The following DAAM2 variants were observed in gnomAD, a reference collection of about 807,000 sequenced individuals.
DAAM2 encodes the protein disheveled-associated activator of morphogenesis 2.
DAAM2 carries 39 observed loss-of-function variants against 120.7 expected under a neutral mutation model. The observed-to-expected ratio is 0.32, with a 90% CI of 0.25 to 0.42. DAAM2 has a LOEUF of 0.42. Ranked by LOEUF, DAAM2 falls within the 10% of genes least tolerant of loss-of-function variation. DAAM2 has a pLI of 1.00. For missense variants in DAAM2, 1,283 were observed against 1,401.7 expected (o/e 0.92, Z 1.35); for synonymous variants, 488 against 524.9 (o/e 0.93, Z 0.96).
chr6:39,886,342 C>T (rs1765380132), intron 15 of DAAM2: 1 of 398,466 alleles, frequency 2.5e-6, no homozygotes, highest in South Asian at 1.3e-4. Context: ...CTGTGTCTGT[C>T]ATGCTATTTC....
rs1222286890 is a variant in DAAM2 at position 39,802,488 on chromosome 6, A to G, written c.-57+10023A>G. On this transcript the variant is annotated intron_variant, in intron 1 of 24. Coordinates refer to ENST00000274867, the MANE Select transcript of DAAM2 (RefSeq NM_001201427.2). ...AAGTCCTTGAAATCATGTCTGGCAC[A>G]TAGTAAGCACTAAGAAATGTTAGTG... 2.6e-5 allele frequency among the ~76,000 whole-genome samples: 4 copies of G among 152,236 alleles called. No homozygotes were observed. The South Asian group carries it at 6.2e-4, about 24-fold the overall frequency.
rs78700388 is a variant in DAAM2 at position 39,839,562 on chromosome 6, T to G, written c.-56-16685T>G. Among the ~76,000 whole-genome samples the G allele has an allele frequency of 4.9e-3, 742 of 152,242 alleles. 8 individuals are homozygous for G. Among genetic ancestry groups the G allele is most frequent in the African/African-American group, 0.016 (669 of 41,546 alleles). On this transcript the variant is annotated intron_variant, in intron 1 of 24. Transcript: ENST00000274867. ...TAGGACCTGAAGCCAAAAGGAAGAA[T>G]GAGAAGGGTGCAGATGGAGTCCAGA...
chr6:39,811,808 C>G (rs1762170478), intron 1 of DAAM2, among the ~76,000 whole-genome samples: 1 of 152,112 alleles, frequency 6.6e-6, no homozygotes, highest in African/African-American at 2.4e-5. Context: ...AACTCAGCCC[C>G]TGGCTTTCTC....
chr6:39,813,330 G>C (rs1475636013), intron 1 of DAAM2, among the ~76,000 whole-genome samples: 2 of 152,172 alleles, frequency 1.3e-5, no homozygotes, highest in Non-Finnish European at 2.9e-5. Context: ...TCCACTAGGA[G>C]GAAGCATCTC....
intron 1 of DAAM2, among the ~76,000 whole-genome samples, chr6:39,809,506 T>G (rs1182084913): frequency 2.0e-5 from 3 of 152,134 alleles, no homozygotes; most frequent in Non-Finnish European, 4.4e-5. Context: ...TATTGTAGCA[T>G]TTCCCAAACT....
intron 1 of DAAM2, among the ~76,000 whole-genome samples, chr6:39,850,280 C>T (rs1763758124): frequency 2.0e-5 from 3 of 152,142 alleles, no homozygotes; most frequent in African/African-American, 7.2e-5. Flanking sequence ...CCCTTGCACC[C>T]TTCCTTGATT....
At chr6:39,870,764 G>T (rs929179490) in intron 8 of DAAM2, among the ~76,000 whole-genome samples, 1 of 152,196 alleles carries the variant, frequency 6.6e-6, no homozygotes, top group Admixed American at 6.5e-5. Flanking sequence ...TACTGGTATT[G>T]GTTGTTGGGG....
intron 1 of DAAM2, among the ~76,000 whole-genome samples, chr6:39,795,371 C>G (rs190678400): frequency 6.6e-6 from 1 of 152,122 alleles, no homozygotes; most frequent in Admixed American, 6.5e-5. Context: ...AGAGGCAGCC[C>G]GACAACAATG....
intron 15 of DAAM2, chr6:39,885,564 G>C (rs1423397466): frequency 6.6e-6 from 1 of 152,404 alleles, no homozygotes; most frequent in Non-Finnish European, 1.5e-5. Flanking sequence ...TGTACAAACT[G>C]GGTCTGGGGC....
At chr6:39,797,489 A>C (rs1458473785) in intron 1 of DAAM2, among the ~76,000 whole-genome samples, 2 of 152,322 alleles carry the variant, frequency 1.3e-5, no homozygotes, top group African/African-American at 4.8e-5. Flanking sequence ...ATAAACAGAA[A>C]ACAAACTGTT....
intron 1 of DAAM2, among the ~76,000 whole-genome samples, chr6:39,797,378 A>G (rs1761732447): frequency 6.6e-6 from 1 of 152,208 alleles, no homozygotes; most frequent in Non-Finnish European, 1.5e-5. Context: ...TCTCATTTAA[A>G]CATCGTTGAC....
chr6:39,888,915 C>T (rs992078505), intron 17 of DAAM2, 152 bp downstream of exon 17: 1 of 447,794 alleles, frequency 2.2e-6, no homozygotes, highest in East Asian at 3.3e-5. Context: ...CCTGGGCCAG[C>T]CTTTCTTGGG....
At chr6:39,803,384 G>C (rs1312280979) in intron 1 of DAAM2, among the ~76,000 whole-genome samples, 3 of 152,200 alleles carry the variant, frequency 2.0e-5, no homozygotes, top group South Asian at 2.1e-4. Context: ...CAGCTCCCAG[G>C]CTCTTTCTAG....
At position 39,883,965 on chromosome 6, in the gene DAAM2, C is replaced by T. The variant is rs749423164; in HGVS notation, c.1849C>T (p.Arg617Cys). ...SFNWVKLNEERVPGTVWNEID... is the reference protein window; with the variant it reads ...SFNWVKLNEECVPGTVWNEID... Reference sequence around the variant, plus strand: ...TTCTCCCTACCCTGAATTTTAGGAGCGTGTCCCTGGCACCGTATGGAATGA... The same window carrying T: ...TTCTCCCTACCCTGAATTTTAGGAGTGTGTCCCTGGCACCGTATGGAATGA... The change falls in exon 15 of 25, where the codon CGT (arginine) becomes TGT (cysteine). Residue 617 changes from arginine (R) to cysteine (C), a missense_variant. Physicochemically the swap from Arg to Cys is radical, Grantham distance 180. Transcript: ENST00000274867. The T allele has an allele frequency of 5.0e-6, 8 of 1,609,256 alleles. No homozygotes were observed. The highest frequency in any genetic ancestry group is 1.6e-4 in the Middle Eastern group (1 of 6,076).
chr6:39,879,801 G>A, intron 14 of DAAM2: 1 of 452,752 alleles, frequency 2.2e-6, no homozygotes, highest in South Asian at 2.1e-5. Context: ...TCCAGTTGAA[G>A]GAAAGGATGG....
chr6:39,838,432 C>T (rs1241574790), intron 1 of DAAM2, among the ~76,000 whole-genome samples: 1 of 152,146 alleles, frequency 6.6e-6, no homozygotes, highest in Non-Finnish European at 1.5e-5. Flanking sequence ...AACCAGCGCT[C>T]AATGAAAACA....
intron 1 of DAAM2, among the ~76,000 whole-genome samples, chr6:39,840,097 C>T (rs1483685532): frequency 6.6e-6 from 1 of 152,096 alleles, no homozygotes; most frequent in Non-Finnish European, 1.5e-5. Context: ...TGTGATGGTG[C>T]ATGGCTATAG....
In DAAM2 at chr6:39,902,745, T is replaced by A. The variant is rs1228663762; in HGVS notation, c.*708T>A. The stretch of plus-strand genomic sequence containing the variant: ...CTTCTCTACCCTCACCTCCATCCTG[T>A]CTACTAATCCACAGTCCTAGAAGAC... On this transcript the variant is annotated 3_prime_UTR_variant, in exon 25 of 25. Coordinates refer to ENST00000274867, the MANE Select transcript of DAAM2 (RefSeq NM_001201427.2). 6.6e-6 allele frequency: 1 copy of A among 152,332 alleles called. No homozygotes were observed. The highest frequency in any genetic ancestry group is 1.5e-5 in the Non-Finnish European group (1 of 68,168). The allele number at this position is 152,332 out of a possible 1,614,324, so 9.4% of individuals were successfully genotyped here. A position where few individuals can be genotyped will look rare whatever the true frequency, so the allele number is the denominator to read the frequency against.
At chr6:39,861,245 C>T in intron 3 of DAAM2, 1 of 594,804 alleles carries the variant, frequency 1.7e-6, no homozygotes, top group South Asian at 1.6e-5. Context: ...GCAGGACCTG[C>T]TGCATCCCAG....
Sources: allele counts gnomAD v4.1 joint callset (sites outside exome capture counted in the v4.1 genomes callset), GRCh38; gene constraint gnomAD v4.1.1; transcripts MANE v1.5; gene names NCBI Gene and HGNC (gene_info 2026-07-23, HGNC 2026-07-21).